Variants in OSTF1 observed in about 807,000 individuals in gnomAD.
OSTF1 encodes osteoclast-stimulating factor 1.
In OSTF1, 27 loss-of-function variants were observed where a neutral mutation model predicts 37.2. The ratio of observed to expected loss-of-function variants is 0.73; its 90% confidence interval spans 0.54 to 1.00. The LOEUF (loss-of-function observed/expected upper bound fraction) is 1.00. Among genes scored for constraint, OSTF1 ranks in the 50% least tolerant of loss-of-function variants. OSTF1 has a pLI of 0.00. For synonymous variants in OSTF1, 82 were observed against 89.2 expected, an observed-to-expected ratio of 0.92 and a Z score of 0.46; for missense variants, 232 against 253.8, an observed-to-expected ratio of 0.91 and a Z score of 0.58.
Position 75,140,856 on chromosome 9 carries a change from C to T in OSTF1, c.510C>T (p.Asn170=). The T allele has an allele frequency of 1.2e-6, 2 of 1,613,522 alleles. No individual in the cohort carries two copies. The highest frequency in any genetic ancestry group is 1.7e-6 in the Non-Finnish European group (2 of 1,179,524). The change falls in exon 9 of 10, where the codon AAC becomes AAT. Residue 170 remains asparagine (N), a synonymous_variant. Coordinates refer to ENST00000346234, the MANE Select transcript of OSTF1 (RefSeq NM_012383.5). ...AAGGTGCTAGAACAGACTTAAGAAA[C>T]ATTGAGAAGAAGCTGGCCTTCGACA... ...LAKGARTDLR[N]IEKKLAFDMA... is the part of the protein sequence containing the mutation.
At chr9:75,142,518 G>C (rs1825959373) in intron 9 of OSTF1, among the ~76,000 whole-genome samples, 1 of 152,090 alleles carries the variant, frequency 6.6e-6, no homozygotes, top group Admixed American at 6.6e-5. Context: ...GATAGACAAG[G>C]CATATACCAA....
chr9:75,138,016 A>G (rs956008782), intron 8 of OSTF1, among the ~76,000 whole-genome samples: 1 of 152,232 alleles, frequency 6.6e-6, no homozygotes, highest in African/African-American at 2.4e-5. Context: ...ATAAGCAAGA[A>G]TGATGCGGCT....
At chr9:75,101,364 A>T (rs1825190629) in intron 1 of OSTF1, among the ~76,000 whole-genome samples, 1 of 152,206 alleles carries the variant, frequency 6.6e-6, no homozygotes, top group Non-Finnish European at 1.5e-5. Context: ...TTGAGAGAGG[A>T]TGCAATTAGG....
At chr9:75,115,746 A>C (rs1198606266) in intron 1 of OSTF1, among the ~76,000 whole-genome samples, 2 of 149,228 alleles carry the variant, frequency 1.3e-5, no homozygotes, top group African/African-American at 2.5e-5. Context: ...TTCTGTATCC[A>C]CTGGTTCCAC....
intron 7 of OSTF1, among the ~76,000 whole-genome samples, chr9:75,137,283 G>A (rs1015333388): frequency 3.9e-5 from 6 of 151,996 alleles, no homozygotes; most frequent in African/African-American, 7.3e-5. Flanking sequence ...ATCTCCCTCC[G>A]CAGGCATGTG....
At chr9:75,121,711 C>T (rs1348650104) in intron 2 of OSTF1, among the ~76,000 whole-genome samples, 1 of 152,146 alleles carries the variant, frequency 6.6e-6, no homozygotes, top group East Asian at 1.9e-4. Flanking sequence ...CTGTTGGAAG[C>T]TGTTTGGTCT....
intron 1 of OSTF1, among the ~76,000 whole-genome samples, chr9:75,107,721 G>A (rs1367438577): frequency 6.6e-6 from 1 of 152,146 alleles, no homozygotes; most frequent in African/African-American, 2.4e-5. Flanking sequence ...TACATGACCA[G>A]AGGGGAACAC....
intron 1 of OSTF1, among the ~76,000 whole-genome samples, chr9:75,102,636 A>G (rs1239724519): frequency 6.6e-6 from 1 of 152,180 alleles, no homozygotes; most frequent in Non-Finnish European, 1.5e-5. Flanking sequence ...GGCTTCAGGC[A>G]TGTTGATTGA....
At chr9:75,093,920 G>A (rs1323802870) in intron 1 of OSTF1, among the ~76,000 whole-genome samples, 1 of 152,154 alleles carries the variant, frequency 6.6e-6, no homozygotes, top group Non-Finnish European at 1.5e-5. Flanking sequence ...CATATGTCAG[G>A]CACTGCACCC....
chr9:75,128,391 TATATATATATATATA>T (rs1564165020), intron 3 of OSTF1, among the ~76,000 whole-genome samples: 1 of 105,772 alleles, frequency 9.5e-6, no homozygotes, highest in African/African-American at 3.6e-5. Context: ...TATATATATA[TATATATATATATATA>T]TTTTGTCCAT....
intron 1 of OSTF1, among the ~76,000 whole-genome samples, chr9:75,091,165 A>T (rs1435741822): frequency 6.8e-6 from 1 of 146,156 alleles, no homozygotes; most frequent in African/African-American, 2.5e-5. Context: ...GGCTCACTGC[A>T]ACCTCCGCCT....
At chr9:75,122,900 C>A (rs1328019220) in intron 2 of OSTF1, among the ~76,000 whole-genome samples, 1 of 152,144 alleles carries the variant, frequency 6.6e-6, no homozygotes, top group Non-Finnish European at 1.5e-5. Flanking sequence ...ACTGACAAAT[C>A]TTAAAAATTT....
At chr9:75,095,954 C>T (rs1056947371) in intron 1 of OSTF1, among the ~76,000 whole-genome samples, 6 of 151,464 alleles carry the variant, frequency 4.0e-5, no homozygotes, top group Middle Eastern at 3.2e-3. Context: ...TGCAGTGGCG[C>T]GATTTCGGCT....
At chr9:75,104,259 TTATGGCCAGGTGCAG>T (rs1421455945) in intron 1 of OSTF1, among the ~76,000 whole-genome samples, 7 of 151,552 alleles carry the variant, frequency 4.6e-5, no homozygotes, top group Admixed American at 4.6e-4. Flanking sequence ...AAAAAAAGCA[TTATGGCCAGGTGCAG>T]TGGCTCACAC....
intron 8 of OSTF1, among the ~76,000 whole-genome samples, chr9:75,138,300 T>A (rs1825874847): frequency 6.6e-6 from 1 of 152,162 alleles, no homozygotes; most frequent in Non-Finnish European, 1.5e-5. Flanking sequence ...AGAGCAATAT[T>A]GTGGGATATA....
intron 9 of OSTF1, among the ~76,000 whole-genome samples, chr9:75,145,056 T>C (rs1166727282): frequency 6.6e-6 from 1 of 152,216 alleles, no homozygotes; most frequent in Non-Finnish European, 1.5e-5. Context: ...TTTTTGTCAA[T>C]TAGTGTTAGA....
At chr9:75,105,502 A>G (rs752441428) in intron 1 of OSTF1, among the ~76,000 whole-genome samples, 1 of 152,094 alleles carries the variant, frequency 6.6e-6, no homozygotes. Context: ...TTGAAATACT[A>G]TTTTTCATTT....
intron 1 of OSTF1, among the ~76,000 whole-genome samples, chr9:75,094,372 G>GTT (rs796781294): frequency 7.0e-6 from 1 of 143,540 alleles, no homozygotes. Flanking sequence ...AAAAAGGTGG[G>GTT]TTTTTTTTTT....
intron 1 of OSTF1, among the ~76,000 whole-genome samples, chr9:75,094,276 GA>G (rs921560215): frequency 3.9e-5 from 6 of 152,060 alleles, no homozygotes; most frequent in African/African-American, 1.4e-4. Flanking sequence ...CACTTTTTGA[GA>G]GTGGAACAGT....
Sources: gnomAD v4.1 joint callset for allele counts (sites outside exome capture counted in the v4.1 genomes callset) on GRCh38, gnomAD v4.1.1 for gene constraint, MANE v1.5 for transcripts, NCBI Gene and HGNC (gene_info 2026-07-23, HGNC 2026-07-21) for gene names.